The following AGAP1 variants were observed in gnomAD, a reference collection of about 807,000 sequenced individuals.
The protein encoded by AGAP1 is ArfGAP with GTPase domain, ankyrin repeat and PH domain 1.
Under a neutral mutation model 105.3 loss-of-function variants are expected in AGAP1, and 29 were observed. The observed-to-expected ratio is 0.28, with a 90% CI of 0.21 to 0.38. The LOEUF is 0.38. Among genes scored for constraint, AGAP1 ranks in the 10% least tolerant of loss-of-function variants. AGAP1 has a pLI of 1.00. For missense variants in AGAP1, 998 were observed against 1,165.1 expected, an observed-to-expected ratio of 0.86 and a Z score of 2.09; for synonymous variants, 509 against 485.9, an observed-to-expected ratio of 1.05 and a Z score of -0.63.
At chr2:235,815,411 A>G (rs922597755) in intron 9 of AGAP1, among the ~76,000 whole-genome samples, 3 of 152,164 alleles carry the variant, frequency 2.0e-5, no homozygotes, top group African/African-American at 4.8e-5. Context: ...TGCCAGTCCC[A>G]TTGAATCAGG....
chr2:235,523,672 T>C (rs989087830), intron 1 of AGAP1, among the ~76,000 whole-genome samples: 1 of 151,902 alleles, frequency 6.6e-6, no homozygotes, highest in Non-Finnish European at 1.5e-5. Context: ...GGGGTGGGAA[T>C]GGGTGTCTGC....
chr2:235,883,978 G>A lies in AGAP1; in HGVS notation c.1155+529G>A, dbSNP rs894993631. ...TGTTACATATAAGTTTGTTATATCC[G>A]TGGTGTATAAGATAGATGTATAAAC... On this transcript the variant is annotated intron_variant, in intron 10 of 17. Coordinates refer to ENST00000304032, the MANE Select transcript of AGAP1 (RefSeq NM_001037131.3). The surrounding 1 kb of genome is among the most constrained non-coding windows in gnomAD (Gnocchi z 4.5). Among the ~76,000 whole-genome samples, 9 of 152,144 alleles carry A rather than the reference G, an allele frequency of 5.9e-5. No homozygotes were observed. The highest frequency in any genetic ancestry group is 6.5e-5 in the Admixed American group (1 of 15,268).
At position 235,970,515 on chromosome 2, in the gene AGAP1, G is replaced by C. The variant is rs1318333710; in HGVS notation, c.1645+1892G>C. The stretch of plus-strand genomic sequence containing the variant: ...GCCCCTAAGGTGCACACACAGGGGC[G>C]GGCGCCAGATTCCCTTTAAGGACAG... On this transcript the variant is annotated intron_variant, in intron 13 of 17. Transcript: ENST00000304032. The surrounding 1 kb of genome is among the most constrained non-coding windows in gnomAD (Gnocchi z 5.4). Among the ~76,000 whole-genome samples, 1 of 152,194 alleles carries C rather than the reference G, an allele frequency of 6.6e-6. No homozygotes were observed.
chr2:236,116,903 T>C, intron 16 of AGAP1, among the ~76,000 whole-genome samples: 1 of 152,196 alleles, frequency 6.6e-6, no homozygotes. Flanking sequence ...TCCAGTCTCA[T>C]TGGAGGTCCC....
At chr2:236,028,072 G>A (rs996261105) in intron 13 of AGAP1, among the ~76,000 whole-genome samples, 2 of 152,192 alleles carry the variant, frequency 1.3e-5, no homozygotes, top group African/African-American at 4.8e-5. Context: ...TGGGGTTGCA[G>A]TTGGTCCTTA....
At chr2:235,871,607 G>A (rs1450576900) in intron 9 of AGAP1, among the ~76,000 whole-genome samples, 1 of 152,168 alleles carries the variant, frequency 6.6e-6, no homozygotes, top group Non-Finnish European at 1.5e-5. Flanking sequence ...TTTTGTTACA[G>A]CAGTACAGGA....
At chr2:235,757,194 C>T (rs2149754102) in intron 6 of AGAP1, among the ~76,000 whole-genome samples, 1 of 152,258 alleles carries the variant, frequency 6.6e-6, no homozygotes. Flanking sequence ...ATTATCATCT[C>T]TCTGCTTAAC....
At chr2:235,895,699 T>TTGGA (rs113317282) in intron 10 of AGAP1, among the ~76,000 whole-genome samples, 3,098 of 119,000 alleles carry the variant, frequency 0.026, 45 homozygotes, top group South Asian at 0.051. Context: ...CACTGGCTTG[T>TTGGA]TGGATGGATG....
rs2052683641 is a variant in AGAP1, at chr2:235,930,746, C to A, written c.1325-19C>A. 1 of 1,611,550 alleles carries A rather than the reference C, an allele frequency of 6.2e-7. No homozygotes were observed. Among genetic ancestry groups the A allele is most frequent in the Non-Finnish European group, 8.5e-7 (1 of 1,178,868 alleles). ...GTCTGCAGTCCGCGGTGGTGTTCAC[C>A]TGACTTGTTTATTCCTAGGGAATGT... On this transcript the variant is annotated intron_variant, in intron 11 of 17. Transcript: ENST00000304032. The surrounding 1 kb of genome is among the most constrained non-coding windows in gnomAD (Gnocchi z 7.9).
chr2:235,514,244 A>T (rs1391006399), intron 1 of AGAP1, among the ~76,000 whole-genome samples: 4 of 152,256 alleles, frequency 2.6e-5, no homozygotes, highest in Non-Finnish European at 5.9e-5. Context: ...GTTAACCCAT[A>T]AATAGATCCC....
chr2:236,034,946 G>T (rs2057334671), intron 13 of AGAP1, among the ~76,000 whole-genome samples: 1 of 152,306 alleles, frequency 6.6e-6, no homozygotes, highest in South Asian at 2.1e-4. Context: ...AGGTGGAAGG[G>T]ATCTCTCAGC....
At chr2:235,770,098 T>C (rs1192370008) in intron 6 of AGAP1, among the ~76,000 whole-genome samples, 1 of 150,060 alleles carries the variant, frequency 6.7e-6, no homozygotes, top group East Asian at 2.0e-4. Flanking sequence ...TAATAACACA[T>C]ATATATACAC....
chr2:236,021,829 T>G (rs2056893998), intron 13 of AGAP1, among the ~76,000 whole-genome samples: 1 of 151,896 alleles, frequency 6.6e-6, no homozygotes. Flanking sequence ...GAGGCTGAGG[T>G]GGGCAGGTTG....
At position 236,105,764 on chromosome 2, in the gene AGAP1, T is replaced by G. The variant is rs983701406; in HGVS notation, c.2115-14428T>G. Among the ~76,000 whole-genome samples, 2 of 152,086 alleles carry G rather than the reference T, an allele frequency of 1.3e-5. No homozygotes were observed. Among genetic ancestry groups the G allele is most frequent in the Admixed American group, 6.5e-5 (1 of 15,276 alleles). On this transcript the variant is annotated intron_variant, in intron 16 of 17. Transcript: ENST00000304032. The surrounding 1 kb of genome is among the most constrained non-coding windows in gnomAD (Gnocchi z 4.2). ...GCCCGCCACCATGCCCGGCTGATTT[T>G]GTTTTTGTATTTTTAGTAGAGACGG... is the stretch of plus-strand genomic sequence containing the variant.
chr2:236,040,549 CT>C lies in AGAP1; in HGVS notation c.1801-201del. On this transcript the variant is annotated intron_variant, in intron 14 of 17. Transcript: ENST00000304032. The surrounding 1 kb of genome is among the most constrained non-coding windows in gnomAD (Gnocchi z 5.6). ...CTGATGAGTTAAAATGTGACATTTC[CT>C]CCCTCCCCCCGCCCCATGCATGATG... 7.0e-6 allele frequency: 1 copy of C among 143,510 alleles called. No homozygotes were observed. Among genetic ancestry groups the C allele is most frequent in the Non-Finnish European group, 1.5e-5 (1 of 66,770 alleles). The allele number at this position is 143,510 out of a possible 1,614,324, so 8.9% of individuals were successfully genotyped here.
intron 6 of AGAP1, among the ~76,000 whole-genome samples, chr2:235,767,275 G>T (rs1272158262): frequency 6.6e-6 from 1 of 152,070 alleles, no homozygotes; most frequent in East Asian, 1.9e-4. Flanking sequence ...TCTCTTAACA[G>T]AATGCACCAA....
Position 236,051,453 on chromosome 2 carries a change from G to C in AGAP1, c.2114+2172G>C, listed in dbSNP as rs1171440346. Reference sequence around the variant, plus strand: ...CACTGGAGAAATGGCATCTGAGCTGGACTCTGAAATAGGGGGTGATTCCCA... The same window carrying C: ...CACTGGAGAAATGGCATCTGAGCTGCACTCTGAAATAGGGGGTGATTCCCA... On this transcript the variant is annotated intron_variant, in intron 16 of 17. Transcript: ENST00000304032. The surrounding 1 kb of genome is among the most constrained non-coding windows in gnomAD (Gnocchi z 5.9). Among the ~76,000 whole-genome samples, 1 of 152,122 alleles carries C rather than the reference G, an allele frequency of 6.6e-6. No individual in the cohort carries two copies. The highest frequency in any genetic ancestry group is 1.5e-5 in the Non-Finnish European group (1 of 68,022).
At position 235,961,531 on chromosome 2, in the gene AGAP1, C is replaced by T. The variant is rs1023565018; in HGVS notation, c.1484-6931C>T. Among the ~76,000 whole-genome samples, 2 of 152,148 alleles carry T rather than the reference C, an allele frequency of 1.3e-5. No homozygotes were observed. The highest frequency in any genetic ancestry group is 2.9e-5 in the Non-Finnish European group (2 of 68,032). On this transcript the variant is annotated intron_variant, in intron 12 of 17. Transcript: ENST00000304032. This position sits in a 1 kb window ranked among gnomAD's most constrained non-coding sequence, Gnocchi z 5.9. ...GTGGACAGCAGTGCAGAGGGACAGG[C>T]CCTAGGGAGTTGTGCTTTAAAGAAG... is the stretch of plus-strand genomic sequence containing the variant.
chr2:235,723,955 G>A lies in AGAP1; in HGVS notation c.310+6311G>A, dbSNP rs1288171641. Among the ~76,000 whole-genome samples the A allele has an allele frequency of 1.3e-5, 2 of 152,302 alleles. No individual in the cohort carries two copies. Among genetic ancestry groups the A allele is most frequent in the Non-Finnish European group, 2.9e-5 (2 of 68,032 alleles). ...TGAAAGTGGCAAAAGGAGGGCCGGG[G>A]CCTGCCTGCCACTGAGGCCCAGCGG... On this transcript the variant is annotated intron_variant, in intron 3 of 17. Coordinates refer to ENST00000304032, the MANE Select transcript of AGAP1 (RefSeq NM_001037131.3). The surrounding 1 kb of genome is among the most constrained non-coding windows in gnomAD (Gnocchi z 6.2).
Sources: gnomAD v4.1 joint callset for allele counts (sites outside exome capture counted in the v4.1 genomes callset) on GRCh38, gnomAD v4.1.1 for gene constraint, Gnocchi (gnomAD v3.1) non-coding constraint, MANE v1.5 for transcripts, NCBI Gene and HGNC (gene_info 2026-07-23, HGNC 2026-07-21) for gene names.